The following SPECC1L variants were observed in gnomAD, a reference collection of about 807,000 sequenced individuals.
SPECC1L encodes sperm antigen with calponin homology and coiled-coil domains 1 like.
A neutral mutation model predicts 116.8 loss-of-function variants in SPECC1L; 40 were observed. The observed-to-expected ratio is 0.34, with a 90% CI of 0.27 to 0.45. The LOEUF is 0.45. Ranked by LOEUF, SPECC1L falls within the 20% of genes least tolerant of loss-of-function variation. The probability of loss-of-function intolerance (pLI) is 1.00; values close to 1 mark genes in which losing one functional copy is unlikely to be tolerated. For missense variants in SPECC1L, 1,110 were observed against 1,373.6 expected, an observed-to-expected ratio of 0.81 and a Z score of 3.03; for synonymous variants, 504 against 500.6, an observed-to-expected ratio of 1.01 and a Z score of -0.09.
intron 14 of SPECC1L, among the ~76,000 whole-genome samples, chr22:24,374,027 A>G (rs2041921819): frequency 6.6e-6 from 1 of 152,220 alleles, no homozygotes; most frequent in Non-Finnish European, 1.5e-5. Context: ...AAAAATGCTC[A>G]TTATCACTGG....
rs1402309971 is a variant in SPECC1L at position 24,417,028 on chromosome 22, C to T, written c.*2405C>T. ...GGCTTTAGGAATGACTATAGATGCT[C>T]ACACGTGTTTAAAGTGACATTTGGA... On this transcript the variant is annotated 3_prime_UTR_variant, in exon 17 of 17. Transcript: ENST00000314328. 1 of 152,418 alleles carries T rather than the reference C, an allele frequency of 6.6e-6. No homozygotes were observed. The highest frequency in any genetic ancestry group is 1.9e-4 in the East Asian group (1 of 5,198). 9.4% of individuals were successfully genotyped at this position (152,418 alleles called of 1,614,324 possible). A position where few individuals can be genotyped will look rare whatever the true frequency, so the allele number is the denominator to read the frequency against.
chr22:24,391,146 A>G (rs1429035344), intron 14 of SPECC1L, among the ~76,000 whole-genome samples: 5 of 151,648 alleles, frequency 3.3e-5, no homozygotes, highest in Non-Finnish European at 7.4e-5. Context: ...AAGTGCTGGG[A>G]TTACGGGTGT....
intron 11 of SPECC1L, among the ~76,000 whole-genome samples, chr22:24,362,089 C>T (rs1425706013): frequency 6.6e-6 from 1 of 152,122 alleles, no homozygotes; most frequent in Non-Finnish European, 1.5e-5. Context: ...TTTTTCTTAG[C>T]CCAGTCACAC....
intron 8 of SPECC1L, among the ~76,000 whole-genome samples, chr22:24,333,607 G>T (rs2040984203): frequency 1.3e-5 from 2 of 148,318 alleles, no homozygotes; most frequent in South Asian, 2.1e-4. Context: ...TACACCACTT[G>T]CCTTGTTTTT....
At position 24,306,605 on chromosome 22, in the gene SPECC1L, A is replaced by G. The variant is rs576787825; in HGVS notation, c.153+4221A>G. On this transcript the variant is annotated intron_variant, in intron 3 of 16. Coordinates refer to ENST00000314328, the MANE Select transcript of SPECC1L (RefSeq NM_015330.6). ...ACTTTTTTACCCTGGCTGGTCTCTA[A>G]CTCCTTGGCTTCAAGTAATTCTCCT... Among the ~76,000 whole-genome samples, 3 of 151,708 alleles carry G rather than the reference A, an allele frequency of 2.0e-5. No individual in the cohort carries two copies. The East Asian group carries it at 5.8e-4, about 29-fold the overall frequency.
chr22:24,374,136 G>A (rs1476281759), intron 14 of SPECC1L, among the ~76,000 whole-genome samples: 1 of 152,004 alleles, frequency 6.6e-6, no homozygotes, highest in African/African-American at 2.4e-5. Context: ...GTGCTGGAGA[G>A]GATGTGGAGA....
chr22:24,353,612 T>C (rs1472726736), intron 11 of SPECC1L, among the ~76,000 whole-genome samples: 1 of 152,122 alleles, frequency 6.6e-6, no homozygotes, highest in Non-Finnish European at 1.5e-5. Context: ...TTCACCATAT[T>C]GGCCAGGCTG....
At chr22:24,276,272 A>T (rs1413771735) in intron 1 of SPECC1L, among the ~76,000 whole-genome samples, 1 of 152,166 alleles carries the variant, frequency 6.6e-6, no homozygotes, top group African/African-American at 2.4e-5. Context: ...GTATAATAAA[A>T]AAAAATAAAA....
Position 24,379,933 on chromosome 22 carries a change from G to A in SPECC1L, c.3087+10613G>A, listed in dbSNP as rs144410126. Reference sequence around the variant, plus strand: ...GGCTGGAGTGCAATGGCACAATCTCGGCTCACTGCAGCCTCCATCTCCTGG... The same window carrying A: ...GGCTGGAGTGCAATGGCACAATCTCAGCTCACTGCAGCCTCCATCTCCTGG... On this transcript the variant is annotated intron_variant, in intron 14 of 16. Transcript: ENST00000314328. Among the ~76,000 whole-genome samples the A allele has an allele frequency of 5.4e-3, 820 of 152,216 alleles. 7 individuals are homozygous for A. The highest frequency in any genetic ancestry group is 0.018 in the African/African-American group (760 of 41,524).
intron 11 of SPECC1L, among the ~76,000 whole-genome samples, chr22:24,356,219 A>G (rs2041530756): frequency 6.6e-6 from 1 of 151,976 alleles, no homozygotes; most frequent in Admixed American, 6.6e-5. Flanking sequence ...GGTCTTCTGT[A>G]TTTACTCATT....
intron 16 of SPECC1L, among the ~76,000 whole-genome samples, chr22:24,414,162 C>T (rs1308180170): frequency 1.3e-5 from 2 of 152,188 alleles, no homozygotes; most frequent in Non-Finnish European, 2.9e-5. Context: ...AGAAATTCTC[C>T]TAGGCCAGTG....
intron 2 of SPECC1L, among the ~76,000 whole-genome samples, chr22:24,283,996 T>C (rs2146345052): frequency 6.6e-6 from 1 of 152,328 alleles, no homozygotes; most frequent in Middle Eastern, 3.4e-3. Flanking sequence ...TTTTTATGAG[T>C]GTGGCTAGAG....
chr22:24,360,649 AT>A (rs1384113019), intron 11 of SPECC1L, among the ~76,000 whole-genome samples: 1 of 152,182 alleles, frequency 6.6e-6, no homozygotes, highest in Non-Finnish European at 1.5e-5. Context: ...ACCAGGGCTT[AT>A]GCCTGTGTCC....
intron 8 of SPECC1L, among the ~76,000 whole-genome samples, chr22:24,331,062 C>T (rs2146509831): frequency 6.6e-6 from 1 of 152,264 alleles, no homozygotes; most frequent in East Asian, 1.9e-4. Context: ...TGAATCTCCA[C>T]AGTAGGTTTT....
intron 14 of SPECC1L, among the ~76,000 whole-genome samples, chr22:24,376,835 A>G (rs2041980729): frequency 6.6e-6 from 1 of 151,818 alleles, no homozygotes; most frequent in South Asian, 2.1e-4. Context: ...TTTTCTTAAG[A>G]AAGAACTTTT....
At chr22:24,336,272 TCTATATATAC>T (rs1445557047) in intron 9 of SPECC1L, among the ~76,000 whole-genome samples, 1 of 151,872 alleles carries the variant, frequency 6.6e-6, no homozygotes, top group Non-Finnish European at 1.5e-5. Context: ...TATGTATATA[TCTATATATAC>T]CTATATGTGT....
chr22:24,349,247 G>A (rs2041370461), intron 11 of SPECC1L, among the ~76,000 whole-genome samples: 3 of 152,192 alleles, frequency 2.0e-5, no homozygotes, highest in African/African-American at 4.8e-5. Flanking sequence ...TGCCATGTTG[G>A]CCAGGCTGGT....
intron 14 of SPECC1L, among the ~76,000 whole-genome samples, chr22:24,408,926 G>C (rs929689421): frequency 1.3e-5 from 2 of 152,252 alleles, no homozygotes; most frequent in Admixed American, 1.3e-4. Flanking sequence ...CTGGACTGAC[G>C]GTCTCCCTCG....
intron 2 of SPECC1L, among the ~76,000 whole-genome samples, chr22:24,283,357 C>T (rs1319316226): frequency 7.9e-5 from 12 of 152,340 alleles, no homozygotes; most frequent in East Asian, 5.8e-4. Flanking sequence ...GGATTACAGG[C>T]GTGAGCCACC....
Sources: gnomAD v4.1 joint callset for allele counts (sites outside exome capture counted in the v4.1 genomes callset) on GRCh38, gnomAD v4.1.1 for gene constraint, MANE v1.5 for transcripts, NCBI Gene and HGNC (gene_info 2026-07-23, HGNC 2026-07-21) for gene names.